Variants in CSRNP3 observed in about 807,000 individuals in gnomAD.
CSRNP3 encodes the protein cysteine and serine rich nuclear protein 3.
CSRNP3 carries 12 observed loss-of-function variants against 48.0 expected under a neutral mutation model. The ratio of observed to expected loss-of-function variants is 0.25; its 90% CI spans 0.16 to 0.41. CSRNP3 has a LOEUF of 0.41. Among genes scored for constraint, CSRNP3 ranks in the 10% least tolerant of loss-of-function variants. The pLI, the probability that CSRNP3 is intolerant of heterozygous loss-of-function variation, is 1.00. For missense variants in CSRNP3, 580 were observed against 724.4 expected (o/e 0.80, Z 2.29); for synonymous variants, 263 against 269.7 (o/e 0.98, Z 0.24).
At chr2:165,611,363 A>ATGTGTGTGTGTG (rs1553479605) in intron 4 of CSRNP3, among the ~76,000 whole-genome samples, 15 of 104,772 alleles carry the variant, frequency 1.4e-4, no homozygotes, top group African/African-American at 3.2e-4. Context: ...TTCACGATAT[A>ATGTGTGTGTGTG]TGTGTGTGTG....
chr2:165,581,156 C>G (rs937586353), intron 3 of CSRNP3, among the ~76,000 whole-genome samples: 2 of 152,182 alleles, frequency 1.3e-5, no homozygotes, highest in African/African-American at 4.8e-5. Context: ...GTGTATTCCA[C>G]TATACCATTT....
At chr2:165,482,209 T>C (rs1328677304) in intron 1 of CSRNP3, among the ~76,000 whole-genome samples, 1 of 151,952 alleles carries the variant, frequency 6.6e-6, no homozygotes, top group Non-Finnish European at 1.5e-5. Context: ...ATTTCCTAAA[T>C]GGTGAAACTG....
chr2:165,675,228 T>A (rs1319547337), intron 5 of CSRNP3, among the ~76,000 whole-genome samples: 5 of 152,150 alleles, frequency 3.3e-5, no homozygotes, highest in African/African-American at 1.2e-4. Context: ...ATTTTAAGTG[T>A]GTGATGGATG....
chr2:165,499,412 GAA>G (rs933063213), intron 2 of CSRNP3, among the ~76,000 whole-genome samples: 1 of 151,844 alleles, frequency 6.6e-6, no homozygotes, highest in South Asian at 2.1e-4. Flanking sequence ...CTGCTTAAAA[GAA>G]AAAAAGAGAG....
At chr2:165,528,364 C>T (rs1684767658) in intron 3 of CSRNP3, among the ~76,000 whole-genome samples, 1 of 152,120 alleles carries the variant, frequency 6.6e-6, no homozygotes, top group South Asian at 2.1e-4. Context: ...GTTGCTTGAT[C>T]TTTTAGAATC....
At chr2:165,520,411 G>C (rs373187616) in intron 3 of CSRNP3, among the ~76,000 whole-genome samples, 8 of 152,088 alleles carry the variant, frequency 5.3e-5, no homozygotes, top group African/African-American at 1.7e-4. Context: ...TTACTGGCTG[G>C]AGTTGAGAGG....
At chr2:165,563,995 C>T (rs1685267157) in intron 3 of CSRNP3, among the ~76,000 whole-genome samples, 2 of 152,028 alleles carry the variant, frequency 1.3e-5, no homozygotes, top group South Asian at 4.1e-4. Context: ...TGTGGTGTCA[C>T]TCCCTGACAC....
chr2:165,506,016 G>A (rs1684421643), intron 2 of CSRNP3, among the ~76,000 whole-genome samples: 1 of 152,102 alleles, frequency 6.6e-6, no homozygotes. Flanking sequence ...GTCACATTAG[G>A]CCAAAATGGA....
intron 3 of CSRNP3, among the ~76,000 whole-genome samples, chr2:165,531,590 A>AT (rs1345335725): frequency 6.6e-6 from 1 of 152,116 alleles, no homozygotes; most frequent in East Asian, 1.9e-4. Flanking sequence ...TGAACTCATT[A>AT]TTTTTTATGG....
intron 2 of CSRNP3, among the ~76,000 whole-genome samples, chr2:165,507,621 A>G (rs186180998): frequency 1.3e-5 from 2 of 152,230 alleles, no homozygotes; most frequent in African/African-American, 4.8e-5. Context: ...TTTACACTTT[A>G]TATTTCACAT....
Position 165,583,923 on chromosome 2 carries a change from CA to C in CSRNP3, c.-23-11116del, listed in dbSNP as rs558235700. On this transcript the variant is annotated intron_variant, in intron 3 of 6. Coordinates refer to ENST00000651982, the MANE Select transcript of CSRNP3 (RefSeq NM_001172173.2). ...TTCAGGGTGAGTCCACAGTGCAAAG[CA>C]AAAGAAAGTAAAGTGGTGAAAGAAT... Among the ~76,000 whole-genome samples the C allele has an allele frequency of 2.1e-3, 325 of 152,080 alleles. 3 individuals are homozygous for C. Among genetic ancestry groups the C allele is most frequent in the African/African-American group, 7.5e-3 (313 of 41,478 alleles).
At position 165,683,465 on chromosome 2, in the gene CSRNP3, T is replaced by A. The variant is rs552137839; in HGVS notation, c.*3712T>A. The A allele has an allele frequency of 9.9e-5, 15 of 152,236 alleles. No individual in the cohort carries two copies. In the South Asian group the frequency reaches 3.1e-3, roughly 32 times the overall value. 9.4% of individuals were successfully genotyped at this position (152,236 alleles called of 1,614,324 possible). On this transcript the variant is annotated 3_prime_UTR_variant, in exon 7 of 7. Transcript: ENST00000651982. ...CTATGTTCTTTAAAATTTTACATTC[T>A]AATAGATGACTTCTAGGCAAAATTT...
chr2:165,477,520 T>TATATATATATA (rs1558911089), intron 1 of CSRNP3, among the ~76,000 whole-genome samples: 4 of 144,900 alleles, frequency 2.8e-5, no homozygotes, highest in African/African-American at 1.0e-4. Flanking sequence ...TATATATATA[T>TATATATATATA]TAGCCAGGTG....
intron 3 of CSRNP3, among the ~76,000 whole-genome samples, chr2:165,554,185 C>T (rs1336249846): frequency 6.6e-6 from 1 of 152,114 alleles, no homozygotes; most frequent in African/African-American, 2.4e-5. Flanking sequence ...TGCCAGGAAA[C>T]CACACTCCTG....
At chr2:165,521,225 A>AT (rs1177290806) in intron 3 of CSRNP3, among the ~76,000 whole-genome samples, 4 of 151,552 alleles carry the variant, frequency 2.6e-5, no homozygotes, top group Non-Finnish European at 5.9e-5. Context: ...GTTGAAGGTT[A>AT]TGGGGGAAAC....
intron 4 of CSRNP3, among the ~76,000 whole-genome samples, chr2:165,615,888 GTTTTTTTTTTTTT>G (rs957235965): frequency 1.7e-5 from 1 of 59,272 alleles, no homozygotes; most frequent in African/African-American, 5.9e-5. Context: ...TGTTTGTGGG[GTTTTTTTTTTTTT>G]TTTTTTTTTT....
intron 3 of CSRNP3, among the ~76,000 whole-genome samples, chr2:165,538,383 G>A (rs554931663): frequency 2.6e-5 from 4 of 151,928 alleles, no homozygotes; most frequent in African/African-American, 4.8e-5. Flanking sequence ...TGATACCTTC[G>A]TGATTCTCAC....
chr2:165,592,516 C>A (rs1482625029), intron 3 of CSRNP3, among the ~76,000 whole-genome samples: 1 of 152,056 alleles, frequency 6.6e-6, no homozygotes, highest in Non-Finnish European at 1.5e-5. Flanking sequence ...GTATTCCCAC[C>A]CAAATCTCAT....
intron 6 of CSRNP3, among the ~76,000 whole-genome samples, chr2:165,678,013 A>T (rs1687457021): frequency 6.6e-6 from 1 of 152,138 alleles, no homozygotes; most frequent in Non-Finnish European, 1.5e-5. Context: ...TAAACACATG[A>T]GTCCCCCAGT....
Sources: gnomAD v4.1 joint callset for allele counts (sites outside exome capture counted in the v4.1 genomes callset) on GRCh38, gnomAD v4.1.1 for gene constraint, MANE v1.5 for transcripts, NCBI Gene and HGNC (gene_info 2026-07-23, HGNC 2026-07-21) for gene names.